The following ACBD6 variants were observed in gnomAD, a reference collection of about 807,000 sequenced individuals.
The protein encoded by ACBD6 is acyl-CoA-binding domain-containing protein 6.
ACBD6 carries 28 observed loss-of-function variants against 37.2 expected under a neutral mutation model. The observed-to-expected ratio is 0.75, with a 90% confidence interval of 0.56 to 1.03. The LOEUF is 1.03. ACBD6 is among the 50% of genes least tolerant of loss of function. The pLI is 0.00. For synonymous variants in ACBD6, 113 were observed against 126.8 expected (o/e 0.89, Z 0.73); for missense variants, 340 against 337.4 (o/e 1.01, Z -0.06).
rs150590080 is a variant in ACBD6 at position 180,332,834 on chromosome 1, G to A, written c.664-18112C>T. Among the ~76,000 whole-genome samples, 35 of 152,240 alleles carry A rather than the reference G, an allele frequency of 2.3e-4. 1 individual carries two copies. Among genetic ancestry groups the A allele is most frequent in the Admixed American group, 1.5e-3 (23 of 15,280 alleles). ...GAAACCTGTCCCTGGTGTCAAAAAGGTTGGGGACCACTGAGTTAGATAAAT... is the reference window on the plus strand; with the variant it reads ...GAAACCTGTCCCTGGTGTCAAAAAGATTGGGGACCACTGAGTTAGATAAAT... On this transcript the variant is annotated intron_variant, in intron 6 of 7. Transcript: ENST00000367595.
At chr1:180,273,967 G>A (rs771393159) in exon 11 of ACBD6, 5 of 591,298 alleles carry the variant, frequency 8.5e-6, no homozygotes, top group Non-Finnish European at 1.5e-5. Flanking sequence ...TGGGACCTGG[G>A]AATTTAGTCT....
At chr1:180,432,151 G>A (rs972139167) in intron 3 of ACBD6, among the ~76,000 whole-genome samples, 6 of 151,174 alleles carry the variant, frequency 4.0e-5, no homozygotes, top group African/African-American at 1.5e-4. Flanking sequence ...AAGCTGCAGT[G>A]AGCCAAGATC....
intron 7 of ACBD6, among the ~76,000 whole-genome samples, chr1:180,311,208 T>C (rs1228417227): frequency 1.3e-5 from 2 of 152,180 alleles, no homozygotes; most frequent in African/African-American, 2.4e-5. Context: ...ACGGTGTGTG[T>C]AGTATCTACG....
At chr1:180,371,304 T>C (rs563429628) in intron 6 of ACBD6, among the ~76,000 whole-genome samples, 1 of 152,206 alleles carries the variant, frequency 6.6e-6, no homozygotes, top group East Asian at 1.9e-4. Context: ...CAACTGTATA[T>C]GGGAATTCTA....
chr1:180,329,455 A>T (rs1328763812), intron 6 of ACBD6, among the ~76,000 whole-genome samples: 1 of 152,216 alleles, frequency 6.6e-6, no homozygotes, highest in Non-Finnish European at 1.5e-5. Context: ...AAATCAGACA[A>T]GCAAGTTCCT....
In ACBD6 at chr1:180,274,560, T is replaced by C. The variant is rs1324490995; in HGVS notation, c.*936+91A>G. ...AGCCCAGGCTCTTGGCTCGATGAAATGGATCATCCTCCTTTTTAAACTTCT... is the reference window on the plus strand; with the variant it reads ...AGCCCAGGCTCTTGGCTCGATGAAACGGATCATCCTCCTTTTTAAACTTCT... On this transcript the variant is annotated intron_variant, in intron 10 of 13. Coordinates refer to the ACBD6 transcript ENST00000642319. 1.3e-6 allele frequency: 2 copies of C among 1,584,792 alleles called. No individual in the cohort carries two copies. Among genetic ancestry groups the C allele is most frequent in the African/African-American group, 1.3e-5 (1 of 74,676 alleles).
At chr1:180,497,798 T>C (rs981670209) in intron 1 of ACBD6, among the ~76,000 whole-genome samples, 3 of 152,218 alleles carry the variant, frequency 2.0e-5, no homozygotes, top group Admixed American at 6.5e-5. Flanking sequence ...TATGTTGTTT[T>C]GGTTGAAGTA....
intron 3 of ACBD6, among the ~76,000 whole-genome samples, chr1:180,446,589 A>C (rs1464001095): frequency 6.6e-6 from 1 of 152,126 alleles, no homozygotes; most frequent in Admixed American, 6.6e-5. Flanking sequence ...TAAAAAGAAA[A>C]CTTTACCATG....
chr1:180,301,840 C>T (rs1390245946), intron 7 of ACBD6, among the ~76,000 whole-genome samples: 1 of 152,130 alleles, frequency 6.6e-6, no homozygotes, highest in Non-Finnish European at 1.5e-5. Context: ...ACTGGCAACA[C>T]TTGAGCTCAC....
In ACBD6 at chr1:180,502,101, G is replaced by C. The variant is rs1411046427; in HGVS notation, c.166C>G (p.Leu56Val). The C allele has an allele frequency of 1.2e-6, 2 of 1,613,720 alleles. No homozygotes were observed. Among genetic ancestry groups the C allele is most frequent in the African/African-American group, 2.7e-5 (2 of 74,914 alleles). The change falls in exon 1 of 8, where the codon CTG (leucine) becomes GTG (valine). Residue 56 changes from leucine (L) to valine (V), a missense_variant. Transcript: ENST00000367595. ...TGCTCCCTGCTGGCCACCTGAATCA[G>C]GCCTTGCAGGTGCGCGGCAGCCTTC... ...FEKAAAHLQG[L>V]IQVASREQLL...
intron 6 of ACBD6, among the ~76,000 whole-genome samples, chr1:180,385,576 G>C (rs952208924): frequency 6.6e-6 from 1 of 151,730 alleles, no homozygotes; most frequent in Non-Finnish European, 1.5e-5. Context: ...GGTCAAATTA[G>C]GTTATAAAGG....
intron 6 of ACBD6, among the ~76,000 whole-genome samples, chr1:180,379,677 G>C (rs148056119): frequency 2.9e-4 from 44 of 152,206 alleles, no homozygotes; most frequent in African/African-American, 1.0e-3. Flanking sequence ...AGAACTTGAA[G>C]ACAGGTCTTC....
At chr1:180,349,767 T>A (rs1002661935) in intron 6 of ACBD6, among the ~76,000 whole-genome samples, 2 of 152,242 alleles carry the variant, frequency 1.3e-5, no homozygotes, top group Non-Finnish European at 2.9e-5. Flanking sequence ...CCTATTCTTG[T>A]TAGCTTCTCT....
At chr1:180,279,630 C>CA (rs1649247648) in intron 9 of ACBD6, among the ~76,000 whole-genome samples, 1 of 152,150 alleles carries the variant, frequency 6.6e-6, no homozygotes, top group Admixed American at 6.5e-5. Context: ...CCTTCACACT[C>CA]ATACATTTTT....
chr1:180,339,099 C>G (rs1011193749), intron 6 of ACBD6, among the ~76,000 whole-genome samples: 2 of 152,230 alleles, frequency 1.3e-5, no homozygotes, highest in Non-Finnish European at 2.9e-5. Flanking sequence ...TAAACTAGCT[C>G]AACCATTGTG....
chr1:180,466,798 T>C (rs981391549), intron 3 of ACBD6, among the ~76,000 whole-genome samples: 58 of 152,228 alleles, frequency 3.8e-4, no homozygotes, highest in African/African-American at 1.4e-3. Flanking sequence ...AGGCTTTGGT[T>C]CCCTGTCTGT....
chr1:180,379,064 A>G (rs973800746), intron 6 of ACBD6, among the ~76,000 whole-genome samples: 3 of 152,094 alleles, frequency 2.0e-5, no homozygotes, highest in African/African-American at 4.8e-5. Context: ...TGGGGTCTAA[A>G]GACTGGCCCA....
intron 3 of ACBD6, chr1:180,434,819 A>G: frequency 1.4e-6 from 1 of 727,480 alleles, no homozygotes; most frequent in Non-Finnish European, 2.6e-6. Flanking sequence ...CCACCCACGA[A>G]TGCCAATCTT....
chr1:180,278,688 G>A (rs1649191781), intron 9 of ACBD6: 1 of 151,674 alleles, frequency 6.6e-6, no homozygotes, highest in South Asian at 2.1e-4. Context: ...CAGGGCTGCG[G>A]GATTCCAGAA....
Sources: gnomAD v4.1 joint callset for allele counts (sites outside exome capture counted in the v4.1 genomes callset) on GRCh38, gnomAD v4.1.1 for gene constraint, MANE v1.5 for transcripts, NCBI Gene and HGNC (gene_info 2026-07-23, HGNC 2026-07-21) for gene names.